Variants in CNTN4 observed in about 807,000 individuals in gnomAD.
The protein encoded by CNTN4 is contactin-4.
CNTN4 carries 77 observed loss-of-function variants against 122.5 expected under a neutral mutation model. That is an observed-to-expected ratio of 0.63 (90% CI 0.52 to 0.76). The LOEUF is 0.76. Among genes scored for constraint, CNTN4 ranks in the 30% least tolerant of loss-of-function variants. The pLI is 0.00. For synonymous variants in CNTN4, 512 were observed against 447.0 expected, an observed-to-expected ratio of 1.15 and a Z score of -1.83; for missense variants, 1,256 against 1,259.1, an observed-to-expected ratio of 1.00 and a Z score of 0.04.
intron 14 of CNTN4, among the ~76,000 whole-genome samples, chr3:3,014,269 T>C (rs1034118044): frequency 3.3e-5 from 5 of 152,188 alleles, no homozygotes; most frequent in Admixed American, 3.3e-4. Context: ...TTTCAGTCTG[T>C]AGTAGTACTA....
chr3:2,120,390 T>TATATAA (rs2033670778), intron 2 of CNTN4, among the ~76,000 whole-genome samples: 1 of 28,786 alleles, frequency 3.5e-5, no homozygotes, highest in Non-Finnish European at 8.2e-5. Context: ...TATATATATA[T>TATATAA]ATATATATAT....
chr3:2,680,365 A>G (rs1280714581), intron 4 of CNTN4, among the ~76,000 whole-genome samples: 2 of 152,216 alleles, frequency 1.3e-5, no homozygotes, highest in East Asian at 1.9e-4. Flanking sequence ...AGTCAGATGT[A>G]TAAATGAATA....
intron 17 of CNTN4, 83 bp from the exon 18 acceptor site, chr3:3,037,096 G>C: frequency 6.9e-7 from 1 of 1,457,484 alleles, no homozygotes; most frequent in Non-Finnish European, 9.6e-7. Context: ...AGGATGGATG[G>C]ATGTTCCTAT....
At chr3:2,659,769 C>A (rs2083785391) in intron 4 of CNTN4, among the ~76,000 whole-genome samples, 1 of 152,104 alleles carries the variant, frequency 6.6e-6, no homozygotes, top group Non-Finnish European at 1.5e-5. Flanking sequence ...TTGATATGGA[C>A]AAATATTTGT....
chr3:2,837,379 C>G (rs1299033019), intron 7 of CNTN4, among the ~76,000 whole-genome samples: 1 of 152,122 alleles, frequency 6.6e-6, no homozygotes, highest in Non-Finnish European at 1.5e-5. Flanking sequence ...GCTTTCCTGC[C>G]TGGAGAGATG....
At chr3:2,278,379 G>T (rs1245199797) in intron 2 of CNTN4, among the ~76,000 whole-genome samples, 3 of 152,194 alleles carry the variant, frequency 2.0e-5, no homozygotes, top group Non-Finnish European at 2.9e-5. Flanking sequence ...GCTGGTTACT[G>T]AGAAGGTAGG....
intron 14 of CNTN4, among the ~76,000 whole-genome samples, chr3:3,017,543 C>CA (rs958905909): frequency 2.0e-5 from 3 of 151,948 alleles, no homozygotes; most frequent in African/African-American, 7.3e-5. Context: ...CTGGGGCAGA[C>CA]AAAAAAAATT....
intron 3 of CNTN4, among the ~76,000 whole-genome samples, chr3:2,562,396 A>G (rs2078994860): frequency 6.6e-6 from 1 of 151,924 alleles, no homozygotes; most frequent in Non-Finnish European, 1.5e-5. Context: ...TCTTTGTTCT[A>G]CTAGTCCCCA....
At chr3:2,666,690 C>A (rs934856777) in intron 4 of CNTN4, among the ~76,000 whole-genome samples, 1 of 151,822 alleles carries the variant, frequency 6.6e-6, no homozygotes, top group East Asian at 1.9e-4. Context: ...GTGTGCTGCA[C>A]CCATTAATTC....
intron 3 of CNTN4, among the ~76,000 whole-genome samples, chr3:2,415,079 G>A (rs940690977): frequency 6.6e-6 from 1 of 152,154 alleles, no homozygotes; most frequent in Non-Finnish European, 1.5e-5. Context: ...TCATTTAAGA[G>A]CATCACTATT....
chr3:2,864,828 C>G (rs2093706922), intron 7 of CNTN4, among the ~76,000 whole-genome samples: 1 of 149,176 alleles, frequency 6.7e-6, no homozygotes, highest in African/African-American at 2.5e-5. Flanking sequence ...AAATTACATT[C>G]TAACTTCCAT....
chr3:2,398,619 T>G (rs1029151370), intron 3 of CNTN4, among the ~76,000 whole-genome samples: 6 of 152,136 alleles, frequency 3.9e-5, no homozygotes, highest in Non-Finnish European at 5.9e-5. Context: ...TAGGGTAGAT[T>G]TAGACCTGAA....
rs143761236 is a variant in CNTN4, at chr3:2,713,365, T to C, written c.56-22850T>C. ...GAGGGAAAATTGTTTCAGTTTTTTC[T>C]AAACACAAGGAAAACTATTTTTATG... On this transcript the variant is annotated intron_variant, in intron 4 of 24. Transcript: ENST00000418658. 2.4e-3 allele frequency among the ~76,000 whole-genome samples: 369 copies of C among 152,310 alleles called. 5 individuals are homozygous for C. Among genetic ancestry groups the C allele is most frequent in the East Asian group, 1.2e-3 (6 of 5,184 alleles).
intron 4 of CNTN4, among the ~76,000 whole-genome samples, chr3:2,698,481 C>T (rs2086171739): frequency 6.6e-6 from 1 of 152,130 alleles, no homozygotes; most frequent in South Asian, 2.1e-4. Flanking sequence ...ACAGCGAAGG[C>T]ACTGAGCCTT....
chr3:2,683,018 A>G (rs2085244519), intron 4 of CNTN4, among the ~76,000 whole-genome samples: 1 of 152,100 alleles, frequency 6.6e-6, no homozygotes, highest in South Asian at 2.1e-4. Context: ...AGTGATTGAG[A>G]TCTGTCTTGT....
intron 7 of CNTN4, among the ~76,000 whole-genome samples, chr3:2,862,006 C>A (rs2093676205): frequency 1.3e-5 from 2 of 152,216 alleles, no homozygotes; most frequent in South Asian, 4.1e-4. Context: ...GGGGCTACCC[C>A]ACAGTCCCAT....
chr3:2,431,643 T>G (rs1052038764), intron 3 of CNTN4, among the ~76,000 whole-genome samples: 18 of 152,210 alleles, frequency 1.2e-4, no homozygotes, highest in African/African-American at 4.3e-4. Flanking sequence ...GTCACTATGC[T>G]TGCCGCTGAG....
chr3:2,732,976 A>G (rs1473202484), intron 4 of CNTN4, among the ~76,000 whole-genome samples: 1 of 152,234 alleles, frequency 6.6e-6, no homozygotes, highest in Non-Finnish European at 1.5e-5. Context: ...GATGGAATGC[A>G]TTATTTATAG....
Position 2,377,087 on chromosome 3 carries a change from C to G in CNTN4, c.-89+37854C>G, listed in dbSNP as rs182372908. Among the ~76,000 whole-genome samples the G allele has an allele frequency of 2.5e-3, 370 of 149,960 alleles. 2 individuals carry two copies. The highest frequency in any genetic ancestry group is 0.014 in the East Asian group (71 of 5,050). On this transcript the variant is annotated intron_variant, in intron 3 of 24. Transcript: ENST00000418658. ...AGGAGAATCACTTGAACCCGGGAGGCAGAGGTTGCAGTGAGCCGAGATTGC... is the reference window on the plus strand; with the variant it reads ...AGGAGAATCACTTGAACCCGGGAGGGAGAGGTTGCAGTGAGCCGAGATTGC...
Sources: gnomAD v4.1 joint callset for allele counts (sites outside exome capture counted in the v4.1 genomes callset) on GRCh38, gnomAD v4.1.1 for gene constraint, MANE v1.5 for transcripts, NCBI Gene and HGNC (gene_info 2026-07-23, HGNC 2026-07-21) for gene names.